Variants in CNIH2 observed in about 807,000 individuals in gnomAD.
CNIH2 encodes the protein cornichon family AMPA receptor auxiliary protein 2.
Under a neutral mutation model 22.9 loss-of-function variants are expected in CNIH2, and 8 were observed. That is an observed-to-expected ratio of 0.35 (90% CI 0.20 to 0.63). The LOEUF (loss-of-function observed/expected upper bound fraction) is 0.63, where lower values mean the gene tolerates loss of function less well. CNIH2 is among the 30% of genes least tolerant of loss of function. The probability of loss-of-function intolerance (pLI) is 0.72; values close to 1 mark genes in which losing one functional copy is unlikely to be tolerated. For missense variants in CNIH2, 105 were observed against 206.2 expected (o/e 0.51, Z 3.01); for synonymous variants, 74 against 78.2 (o/e 0.95, Z 0.28).
chr11:66,282,607 C>G (rs531995102), intron 2 of CNIH2, 126 bp from the exon 3 acceptor site: 45 of 1,178,844 alleles, frequency 3.8e-5, no homozygotes, highest in Non-Finnish European at 5.2e-5. Flanking sequence ...GGCTGCTTCC[C>G]GGCCGTGCCG....
chr11:66,278,344 C>T lies in CNIH2; in HGVS notation c.-113C>T, dbSNP rs1352590019. Reference sequence around the variant, plus strand: ...CCGGTCCCGGCCGCATCACCCACGTCCCCCGAGCCCCACGGGCCATGCCCG... The same window carrying T: ...CCGGTCCCGGCCGCATCACCCACGTTCCCCGAGCCCCACGGGCCATGCCCG... On this transcript the variant is annotated 5_prime_UTR_variant, in exon 1 of 6. Coordinates refer to ENST00000311445, the MANE Select transcript of CNIH2 (RefSeq NM_182553.3). 3.9e-6 allele frequency: 1 copy of T among 254,092 alleles called. No homozygotes were observed. The highest frequency in any genetic ancestry group is 2.3e-5 in the African/African-American group (1 of 42,768). The allele number at this position is 254,092 out of a possible 1,614,324, so 15.7% of individuals were successfully genotyped here. A position where few individuals can be genotyped will look rare whatever the true frequency, so the allele number is the denominator to read the frequency against.
At chr11:66,281,891 G>C (rs1288037480) in intron 1 of CNIH2, among the ~76,000 whole-genome samples, 2 of 152,116 alleles carry the variant, frequency 1.3e-5, no homozygotes, top group African/African-American at 4.8e-5. Context: ...TCACCTGGAA[G>C]GCAGAGTGAT....
intron 1 of CNIH2, among the ~76,000 whole-genome samples, chr11:66,280,652 C>G (rs553449065): frequency 1.3e-5 from 2 of 152,152 alleles, no homozygotes; most frequent in Admixed American, 6.5e-5. Flanking sequence ...GGGTGACGCC[C>G]GCCGCCTGCT....
At chr11:66,282,910 G>A in intron 3 of CNIH2, 125 bp from the exon 4 acceptor site, 2 of 1,379,326 alleles carry the variant, frequency 1.4e-6, no homozygotes, top group Non-Finnish European at 2.0e-6. Context: ...TGGGAAGCCA[G>A]AGGCCTTTTA....
chr11:66,283,906 G>T lies in CNIH2; in HGVS notation c.*309G>T. The T allele has an allele frequency of 2.8e-6, 1 of 361,876 alleles. No individual in the cohort carries two copies. Among genetic ancestry groups the T allele is most frequent in the Non-Finnish European group, 5.1e-6 (1 of 194,266 alleles). The allele number at this position is 361,876 out of a possible 1,614,324, so 22.4% of individuals were successfully genotyped here. A position where few individuals can be genotyped will look rare whatever the true frequency, so the allele number is the denominator to read the frequency against. On this transcript the variant is annotated 3_prime_UTR_variant, in exon 6 of 6. Coordinates refer to ENST00000311445, the MANE Select transcript of CNIH2 (RefSeq NM_182553.3). ...CTTGTCCATTTCGGGGGAAACTTGG[G>T]CCCTGCCAAGGGGCAGAGCTTGACC...
intron 1 of CNIH2, among the ~76,000 whole-genome samples, chr11:66,279,719 G>T (rs188649598): frequency 4.0e-5 from 6 of 151,718 alleles, no homozygotes; most frequent in Non-Finnish European, 8.8e-5. Context: ...TTCCCCCTGC[G>T]CTCCCTTTGC....
chr11:66,281,651 C>T (rs750461920), intron 1 of CNIH2: 2 of 361,272 alleles, frequency 5.5e-6, no homozygotes, highest in Non-Finnish European at 1.1e-5. Flanking sequence ...CCTCTTCCAC[C>T]ACTCTCTCTT....
Position 66,283,585 on chromosome 11 carries a change from G to A in CNIH2, c.471G>A (p.Leu157=). The A allele has an allele frequency of 6.3e-7, 1 of 1,582,590 alleles. No homozygotes were observed. Among genetic ancestry groups the A allele is most frequent in the Non-Finnish European group, 8.6e-7 (1 of 1,163,338 alleles). Residue 157 remains leucine (L), a synonymous_variant, in exon 6 of 6, where the codon TTG becomes TTA. Coordinates refer to ENST00000311445, the MANE Select transcript of CNIH2 (RefSeq NM_182553.3). ...CTTCCTACAGTATGGTTTATACGTT[G>A]GTGAGTTTCTAAGGGGGAAGCCGGC... The part of the protein sequence containing the change: ...FYYLYSMVYT[L]VSF
chr11:66,283,441 A>G (rs1421444952), intron 5 of CNIH2, 50 bp downstream of exon 5: 2 of 1,612,170 alleles, frequency 1.2e-6, no homozygotes, highest in South Asian at 1.1e-5. Flanking sequence ...ATGTCCCAGC[A>G]TCACGCTTCC....
intron 1 of CNIH2, among the ~76,000 whole-genome samples, chr11:66,279,327 C>CT (rs959523300): frequency 6.6e-6 from 1 of 152,068 alleles, no homozygotes; most frequent in Non-Finnish European, 1.5e-5. Context: ...TCCTCCTCCC[C>CT]TCCCGCTCCT....
At chr11:66,279,121 C>A (rs537194186) in intron 1 of CNIH2, among the ~76,000 whole-genome samples, 1 of 151,210 alleles carries the variant, frequency 6.6e-6, no homozygotes, top group Non-Finnish European at 1.5e-5. Context: ...GGTTTCCCTA[C>A]CCCTCCTGTT....
chr11:66,281,346 A>T, intron 1 of CNIH2: 1 of 456,098 alleles, frequency 2.2e-6, no homozygotes, highest in Non-Finnish European at 4.4e-6. Flanking sequence ...CAAAACAGAC[A>T]TGAAAATAAA....
intron 3 of CNIH2, 119 bp from the exon 4 acceptor site, chr11:66,282,915 CT>C: frequency 2.2e-6 from 3 of 1,363,982 alleles, no homozygotes; most frequent in Non-Finnish European, 3.1e-6. Flanking sequence ...AGCCAGAGGC[CT>C]TTTAATCCCC....
Position 66,283,732 on chromosome 11 carries a change from A to G in CNIH2, c.*135A>G. ...TGCCCCCAGCCTCTCCAACCCCCAA[A>G]CTGCTGCTGCGGGGAACCCCCCCCA... On this transcript the variant is annotated 3_prime_UTR_variant, in exon 6 of 6. Transcript: ENST00000311445. 1.1e-6 allele frequency: 1 copy of G among 913,134 alleles called. No individual in the cohort carries two copies. Among genetic ancestry groups the G allele is most frequent in the Non-Finnish European group, 1.6e-6 (1 of 611,880 alleles). The allele number at this position is 913,134 out of a possible 1,614,324, so 56.6% of individuals were successfully genotyped here.
At chr11:66,282,484 G>T (rs1456851696) in intron 2 of CNIH2, 157 bp downstream of exon 2, 15 of 987,056 alleles carry the variant, frequency 1.5e-5, no homozygotes, top group Non-Finnish European at 2.2e-5. Context: ...CACCTGGCGC[G>T]GGCTCAGGGC....
intron 1 of CNIH2, chr11:66,281,594 C>A (rs1029882297): frequency 4.9e-6 from 2 of 409,456 alleles, no homozygotes; most frequent in Non-Finnish European, 9.9e-6. Context: ...AACTCCTGCT[C>A]TGGCCTCACA....
intron 3 of CNIH2, 108 bp from the exon 4 acceptor site, chr11:66,282,927 A>C: frequency 7.4e-7 from 1 of 1,355,930 alleles, no homozygotes; most frequent in East Asian, 2.3e-5. Flanking sequence ...TTTAATCCCC[A>C]GAGGTCACGG....
At position 66,283,660 on chromosome 11, in the gene CNIH2, C is replaced by T. The variant is rs1465297260; in HGVS notation, c.*63C>T. 3 of 1,538,246 alleles carry T rather than the reference C, an allele frequency of 2.0e-6. No homozygotes were observed. In the East Asian group the frequency reaches 7.3e-5, roughly 38 times the overall value. ...GGACGCCTGTGCACCCCCAGCCCTG[C>T]CCCTTGGCCGCAGAGGCCTCAGCCC... On this transcript the variant is annotated 3_prime_UTR_variant, in exon 6 of 6. Coordinates refer to ENST00000311445, the MANE Select transcript of CNIH2 (RefSeq NM_182553.3).
rs559127372 is a variant in CNIH2 at position 66,283,598 on chromosome 11, G to A, written c.*1G>A. On this transcript the variant is annotated 3_prime_UTR_variant, in exon 6 of 6. Transcript: ENST00000311445. ...GGTTTATACGTTGGTGAGTTTCTAA[G>A]GGGGAAGCCGGCCAGGGAGCGAGCC... is the stretch of plus-strand genomic sequence containing the variant. The A allele has an allele frequency of 2.5e-6, 4 of 1,572,774 alleles. No homozygotes were observed. In the African/African-American group the frequency reaches 4.1e-5, roughly 16 times the overall value.
Sources: allele counts gnomAD v4.1 joint callset (sites outside exome capture counted in the v4.1 genomes callset), GRCh38; gene constraint gnomAD v4.1.1; transcripts MANE v1.5; gene names NCBI Gene and HGNC (gene_info 2026-07-23, HGNC 2026-07-21).